Variants in LMBR1 observed in about 807,000 individuals in gnomAD.
LMBR1 encodes limb development membrane protein 1, also known as limb region 1 protein homolog.
Under a neutral mutation model 73.9 loss-of-function variants are expected in LMBR1, and 52 were observed. That is an observed-to-expected ratio of 0.70 (90% CI 0.56 to 0.89). The LOEUF is 0.89. Among genes scored for constraint, LMBR1 ranks in the 40% least tolerant of loss-of-function variants. The pLI is 0.00. For missense variants in LMBR1, 539 were observed against 579.8 expected (o/e 0.93, Z 0.72); for synonymous variants, 215 against 209.4 (o/e 1.03, Z -0.23).
chr7:156,692,599 G>A (rs959847591), intron 15 of LMBR1, among the ~76,000 whole-genome samples: 1 of 152,198 alleles, frequency 6.6e-6, no homozygotes, highest in African/African-American at 2.4e-5. Flanking sequence ...TGAGAGATGA[G>A]AAACAAACAA....
chr7:156,821,382 G>A (rs568988890), intron 4 of LMBR1, among the ~76,000 whole-genome samples: 13 of 152,310 alleles, frequency 8.5e-5, no homozygotes, highest in African/African-American at 2.4e-4. Context: ...AGGCCCCCAC[G>A]TTAGTGGACA....
At chr7:156,703,957 C>T (rs181386942) in intron 15 of LMBR1, among the ~76,000 whole-genome samples, 1 of 152,302 alleles carries the variant, frequency 6.6e-6, no homozygotes, top group African/African-American at 2.4e-5. Flanking sequence ...GGTCAACATG[C>T]AAAGCCCACT....
rs7802140 is a variant in LMBR1 at position 156,826,345 on chromosome 7, G to C, written c.319+260C>G. 0.018 allele frequency among the ~76,000 whole-genome samples: 2,806 copies of C among 152,216 alleles called. 89 individuals are homozygous for C. Among genetic ancestry groups the C allele is most frequent in the African/African-American group, 0.063 (2,627 of 41,516 alleles). On this transcript the variant is annotated intron_variant, in intron 4 of 16. Coordinates refer to ENST00000353442, the MANE Select transcript of LMBR1 (RefSeq NM_022458.4). ...TAGTCAGATAAACCAAAATACTCTA[G>C]CTAAATACTGAAATGAAAATGTATT...
chr7:156,856,051 C>T (rs375377463), intron 1 of LMBR1, among the ~76,000 whole-genome samples: 7 of 151,816 alleles, frequency 4.6e-5, no homozygotes, highest in East Asian at 1.9e-4. Flanking sequence ...AAAAATTAGC[C>T]GGGTGTGGTG....
chr7:156,843,688 T>A (rs1165924501), intron 1 of LMBR1, among the ~76,000 whole-genome samples: 2 of 150,974 alleles, frequency 1.3e-5, no homozygotes, highest in East Asian at 4.0e-4. Context: ...ACACAAAAAT[T>A]AGCCAGGTGT....
At chr7:156,729,529 A>C (rs1585416119) in intron 10 of LMBR1, among the ~76,000 whole-genome samples, 1 of 146,086 alleles carries the variant, frequency 6.8e-6, no homozygotes, top group Admixed American at 7.0e-5. Flanking sequence ...GCTGGAGTGC[A>C]GTGGCACAAT....
intron 1 of LMBR1, among the ~76,000 whole-genome samples, chr7:156,852,308 T>C (rs1796343668): frequency 6.6e-6 from 1 of 152,182 alleles, no homozygotes; most frequent in Non-Finnish European, 1.5e-5. Flanking sequence ...ACGTGTTCAA[T>C]GTTGGTAAGC....
chr7:156,683,832 C>A lies in LMBR1; in HGVS notation c.*246G>T, dbSNP rs745661512. Reference sequence around the variant, plus strand: ...ATGAGCAAATGTCTACAGAAGAATGCGCTGTTCTATATGTCTGTAAGGAAT... The same window carrying A: ...ATGAGCAAATGTCTACAGAAGAATGAGCTGTTCTATATGTCTGTAAGGAAT... On this transcript the variant is annotated 3_prime_UTR_variant, in exon 17 of 17. Transcript: ENST00000353442. 3 of 397,314 alleles carry A rather than the reference C, an allele frequency of 7.6e-6. No homozygotes were observed. Among genetic ancestry groups the A allele is most frequent in the Admixed American group, 4.4e-5 (1 of 22,928 alleles). 24.6% of individuals were successfully genotyped at this position (397,314 alleles called of 1,614,324 possible). A position where few individuals can be genotyped will look rare whatever the true frequency, so the allele number is the denominator to read the frequency against.
chr7:156,684,167 C>CA lies in LMBR1; in HGVS notation c.1388-5dup, dbSNP rs1296537104. The CA allele has an allele frequency of 3.1e-6, 5 of 1,610,472 alleles. No homozygotes were observed. The highest frequency in any genetic ancestry group is 4.2e-6 in the Non-Finnish European group (5 of 1,177,506). On this transcript the variant is annotated splice_region_variant and splice_polypyrimidine_tract_variant and intron_variant, in intron 16 of 16. Transcript: ENST00000353442. The stretch of plus-strand genomic sequence containing the variant: ...GGTAAGTGAAGTTTATGAAGCCCTG[C>CA]AAAAAAATTAAGAAAATGGTGAGAA...
intron 5 of LMBR1, among the ~76,000 whole-genome samples, chr7:156,787,819 C>T (rs1393509590): frequency 6.6e-6 from 1 of 152,204 alleles, no homozygotes; most frequent in Non-Finnish European, 1.5e-5. Context: ...CTCTGTCGCC[C>T]AGGCTGGAGT....
At chr7:156,836,461 C>T (rs1051375209) in intron 2 of LMBR1, among the ~76,000 whole-genome samples, 7 of 152,072 alleles carry the variant, frequency 4.6e-5, no homozygotes, top group Admixed American at 3.3e-4. Flanking sequence ...CTCTAGTAGC[C>T]AGAAAAGGTA....
intron 4 of LMBR1, among the ~76,000 whole-genome samples, chr7:156,811,435 C>T (rs1415165066): frequency 6.6e-6 from 1 of 151,772 alleles, no homozygotes; most frequent in African/African-American, 2.4e-5. Flanking sequence ...CATGGTGAAA[C>T]CCCGTCTCTA....
intron 5 of LMBR1, among the ~76,000 whole-genome samples, chr7:156,764,640 T>A (rs1823752428): frequency 6.6e-6 from 1 of 152,198 alleles, no homozygotes; most frequent in Non-Finnish European, 1.5e-5. Flanking sequence ...TATAAATACA[T>A]CCATATTTCT....
intron 1 of LMBR1, among the ~76,000 whole-genome samples, chr7:156,857,381 A>C (rs890885436): frequency 7.2e-5 from 11 of 152,196 alleles, no homozygotes; most frequent in African/African-American, 2.7e-4. Flanking sequence ...AATTATCAGG[A>C]CAAAGAACAG....
chr7:156,718,174 C>G (rs1813638155), intron 15 of LMBR1, among the ~76,000 whole-genome samples: 1 of 151,134 alleles, frequency 6.6e-6, no homozygotes, highest in Admixed American at 6.6e-5. Flanking sequence ...CCAAGGCGGG[C>G]AAATCACTTG....
intron 4 of LMBR1, among the ~76,000 whole-genome samples, chr7:156,807,828 G>A (rs910787176): frequency 1.3e-5 from 2 of 152,066 alleles, no homozygotes; most frequent in African/African-American, 4.8e-5. Flanking sequence ...ATTTCATTCA[G>A]TTCAAAGCAC....
chr7:156,779,984 A>C, intron 5 of LMBR1, among the ~76,000 whole-genome samples: 1 of 152,196 alleles, frequency 6.6e-6, no homozygotes, highest in East Asian at 1.9e-4. Flanking sequence ...AGCAGGTATT[A>C]ATTATTTTAT....
At chr7:156,731,524 A>G (rs187360600) in intron 10 of LMBR1, among the ~76,000 whole-genome samples, 95 of 152,324 alleles carry the variant, frequency 6.2e-4, no homozygotes, top group South Asian at 2.1e-4. Context: ...CCTTTGAAAG[A>G]GCAACAACAT....
rs1453071670 is a variant in LMBR1 at position 156,727,982 on chromosome 7, C to CA, written c.940dup (p.Cys314LeufsTer2). On this transcript the variant is annotated frameshift_variant, in exon 12 of 17. Coordinates refer to ENST00000353442, the MANE Select transcript of LMBR1 (RefSeq NM_022458.4). LOFTEE classifies it high-confidence loss of function. ...ATCAACCAATAGGCAAAGAATATTA[C>CA]AAGCCACCAAGAGGACCGAGATGGA... 6.2e-7 allele frequency: 1 copy of CA among 1,613,136 alleles called. No homozygotes were observed. Among genetic ancestry groups the CA allele is most frequent in the Non-Finnish European group, 8.5e-7 (1 of 1,179,642 alleles).
Sources: gnomAD v4.1 joint callset for allele counts (sites outside exome capture counted in the v4.1 genomes callset) on GRCh38, gnomAD v4.1.1 for gene constraint, MANE v1.5 for transcripts, NCBI Gene and HGNC (gene_info 2026-07-23, HGNC 2026-07-21) for gene names.